The following DIAPH3 variants were observed in gnomAD, a reference collection of about 807,000 sequenced individuals.
The protein encoded by DIAPH3 is protein diaphanous homolog 3.
A neutral mutation model predicts 144.3 loss-of-function variants in DIAPH3; 117 were observed. The ratio of observed to expected loss-of-function variants is 0.81; its 90% CI spans 0.70 to 0.95. The LOEUF is 0.95. DIAPH3 is among the 40% of genes least tolerant of loss of function. The pLI is 0.00. For synonymous variants in DIAPH3, 519 were observed against 488.9 expected (o/e 1.06, Z -0.81); for missense variants, 1,421 against 1,412.7 (o/e 1.01, Z -0.09).
intron 18 of DIAPH3, among the ~76,000 whole-genome samples, chr13:59,921,084 T>C (rs185626973): frequency 2.7e-5 from 4 of 150,720 alleles, no homozygotes; most frequent in Non-Finnish European, 4.4e-5. Context: ...ATATGGGATA[T>C]AGCAAAAGCA....
intron 3 of DIAPH3, among the ~76,000 whole-genome samples, chr13:60,102,358 G>A (rs2058294819): frequency 6.6e-6 from 1 of 152,084 alleles, no homozygotes; most frequent in South Asian, 2.1e-4. Flanking sequence ...CTCCCTCACC[G>A]ATAACATTTA....
chr13:59,846,935 CA>C (rs1277766793), intron 22 of DIAPH3, among the ~76,000 whole-genome samples: 7 of 151,948 alleles, frequency 4.6e-5, no homozygotes, highest in Admixed American at 3.3e-4. Context: ...AAAGATTAGC[CA>C]GGGGTAGTGG....
At chr13:59,782,965 G>C (rs1566302306) in intron 25 of DIAPH3, among the ~76,000 whole-genome samples, 1 of 152,034 alleles carries the variant, frequency 6.6e-6, no homozygotes, top group Non-Finnish European at 1.5e-5. Flanking sequence ...AGAGAGCCGG[G>C]GCCAACTCAC....
intron 24 of DIAPH3, among the ~76,000 whole-genome samples, chr13:59,831,255 C>T (rs1056413391): frequency 1.3e-5 from 2 of 151,700 alleles, no homozygotes; most frequent in African/African-American, 2.4e-5. Flanking sequence ...GTCAGAGGTC[C>T]CCAAGACACC....
intron 4 of DIAPH3, among the ~76,000 whole-genome samples, chr13:60,062,548 C>T (rs191238117): frequency 1.0e-3 from 159 of 152,178 alleles, no homozygotes; most frequent in African/African-American, 3.7e-3. Flanking sequence ...TCATGAACAT[C>T]ATGAATGAAT....
At chr13:59,815,244 T>C (rs996286345) in intron 24 of DIAPH3, among the ~76,000 whole-genome samples, 14 of 152,318 alleles carry the variant, frequency 9.2e-5, no homozygotes, top group African/African-American at 3.1e-4. Flanking sequence ...ATTTGATCAA[T>C]ATAACCATGT....
chr13:60,019,870 C>T (rs1022332721), intron 5 of DIAPH3, among the ~76,000 whole-genome samples: 6 of 152,158 alleles, frequency 3.9e-5, no homozygotes, highest in African/African-American at 1.2e-4. Flanking sequence ...AGGAACAAAG[C>T]GCTCTCAAGT....
At chr13:60,079,175 T>C (rs541886898) in intron 4 of DIAPH3, among the ~76,000 whole-genome samples, 78 of 152,106 alleles carry the variant, frequency 5.1e-4, no homozygotes, top group South Asian at 2.1e-3. Flanking sequence ...TATGACCCCA[T>C]TGGGGAAAGG....
chr13:59,870,051 C>A (rs1311973328), intron 21 of DIAPH3, among the ~76,000 whole-genome samples: 2 of 151,792 alleles, frequency 1.3e-5, no homozygotes, highest in African/African-American at 4.8e-5. Context: ...ATAATAAAAC[C>A]AAAGGTCACA....
intron 24 of DIAPH3, among the ~76,000 whole-genome samples, chr13:59,818,213 A>G (rs1188488503): frequency 6.6e-6 from 1 of 151,902 alleles, no homozygotes; most frequent in Non-Finnish European, 1.5e-5. Flanking sequence ...CTATCTGGCT[A>G]TTTAAGAAAA....
chr13:59,892,676 C>A (rs340224), intron 20 of DIAPH3, among the ~76,000 whole-genome samples: 1 of 151,696 alleles, frequency 6.6e-6, no homozygotes, highest in Admixed American at 6.6e-5. Flanking sequence ...AAAGATAACA[C>A]AGACTCATTA....
At chr13:59,717,578 C>T (rs569407865) in intron 27 of DIAPH3, among the ~76,000 whole-genome samples, 35 of 152,198 alleles carry the variant, frequency 2.3e-4, no homozygotes, top group Admixed American at 2.1e-3. Flanking sequence ...GTCTCCTATT[C>T]GGTTACAAAT....
At chr13:59,703,870 C>T (rs73542592) in intron 27 of DIAPH3, among the ~76,000 whole-genome samples, 96 of 152,138 alleles carry the variant, frequency 6.3e-4, no homozygotes, top group African/African-American at 2.3e-3. Context: ...ACCTAGGAGG[C>T]CCCAGATGAT....
chr13:59,697,036 A>G (rs1201968689), intron 27 of DIAPH3, among the ~76,000 whole-genome samples: 1 of 152,066 alleles, frequency 6.6e-6, no homozygotes, highest in East Asian at 1.9e-4. Flanking sequence ...TGGTATGTTG[A>G]GGGCTTTATA....
At chr13:60,096,120 A>T (rs1211045971) in intron 3 of DIAPH3, among the ~76,000 whole-genome samples, 2 of 152,210 alleles carry the variant, frequency 1.3e-5, no homozygotes, top group East Asian at 3.8e-4. Flanking sequence ...ATCCACAAAG[A>T]ATTTCACTGG....
chr13:59,675,732 T>C (rs1049498634), intron 27 of DIAPH3, among the ~76,000 whole-genome samples: 2 of 152,210 alleles, frequency 1.3e-5, no homozygotes, highest in Admixed American at 1.3e-4. Flanking sequence ...GTCCATGAAC[T>C]GCCAAGGCCA....
At chr13:59,999,022 A>G (rs1594280457) in intron 9 of DIAPH3, among the ~76,000 whole-genome samples, 1 of 152,140 alleles carries the variant, frequency 6.6e-6, no homozygotes, top group Non-Finnish European at 1.5e-5. Context: ...AAATCAAGAT[A>G]TAACTGTTTA....
At chr13:59,957,382 TA>T (rs1013365597) in intron 17 of DIAPH3, among the ~76,000 whole-genome samples, 5 of 152,214 alleles carry the variant, frequency 3.3e-5, no homozygotes, top group Non-Finnish European at 7.3e-5. Context: ...GATGGTTTTA[TA>T]AAGATCAGTT....
At chr13:60,014,738 G>C (rs978419861) in intron 7 of DIAPH3, among the ~76,000 whole-genome samples, 1 of 151,730 alleles carries the variant, frequency 6.6e-6, no homozygotes, top group Non-Finnish European at 1.5e-5. Context: ...AAAAATAATC[G>C]TACCACCACA....
Sources: allele counts gnomAD v4.1 joint callset (sites outside exome capture counted in the v4.1 genomes callset), GRCh38; gene constraint gnomAD v4.1.1; transcripts MANE v1.5; gene names NCBI Gene and HGNC (gene_info 2026-07-23, HGNC 2026-07-21).